Variants in TTC6 observed in about 807,000 individuals in gnomAD.
TTC6 encodes tetratricopeptide repeat protein 6.
A neutral mutation model predicts 210.4 loss-of-function variants in TTC6; 172 were observed. The observed-to-expected ratio is 0.82, with a 90% CI of 0.72 to 0.93. The LOEUF (loss-of-function observed/expected upper bound fraction) is 0.93, where lower values mean the gene tolerates loss of function less well. Ranked by LOEUF, TTC6 falls within the 40% of genes least tolerant of loss-of-function variation. The pLI, the probability that TTC6 is intolerant of heterozygous loss-of-function variation, is 0.00. For synonymous variants in TTC6, 804 were observed against 819.6 expected (o/e 0.98, Z 0.32); for missense variants, 2,414 against 2,318.1 (o/e 1.04, Z -0.85).
At chr14:37,681,270 A>C (rs1373172671) in intron 2 of TTC6, among the ~76,000 whole-genome samples, 1 of 152,154 alleles carries the variant, frequency 6.6e-6, no homozygotes, top group East Asian at 1.9e-4. Flanking sequence ...CAGGTATAGT[A>C]AACTGAAAGT....
At position 37,828,375 on chromosome 14, in the gene TTC6, C is replaced by A. The variant is rs185188551; in HGVS notation, c.5298+1009C>A. Among the ~76,000 whole-genome samples, 507 of 151,992 alleles carry A rather than the reference C, an allele frequency of 3.3e-3. 1 individual carries two copies. The highest frequency in any genetic ancestry group is 0.01 in the Middle Eastern group (3 of 294). ...TGGAAGCTTAATTAATTTATTTTCA[C>A]CCTTTCATTTATATTGTAATAAGTT... On this transcript the variant is annotated intron_variant, in intron 29 of 30. Transcript: ENST00000553443.
chr14:37,599,276 T>C (rs1387938629), intron 1 of TTC6, among the ~76,000 whole-genome samples: 1 of 152,228 alleles, frequency 6.6e-6, no homozygotes, highest in Non-Finnish European at 1.5e-5. Flanking sequence ...CTCTCTCCCT[T>C]GGTTCCATCA....
upstream of TTC6, chr14:37,622,031 T>G (rs1427732269): frequency 5.5e-6 from 8 of 1,442,612 alleles, no homozygotes; most frequent in Non-Finnish European, 7.4e-6. Flanking sequence ...TGTGATTGTT[T>G]TGGGGGCTTA....
intron 6 of TTC6, among the ~76,000 whole-genome samples, chr14:37,721,929 C>CAT (rs895610724): frequency 8.3e-5 from 11 of 131,888 alleles, no homozygotes; most frequent in East Asian, 2.1e-4. Flanking sequence ...TATATATATA[C>CAT]ATATATATAT....
chr14:37,787,361 A>G, intron 14 of TTC6, 107 bp from the exon 17 acceptor site: 2 of 827,090 alleles, frequency 2.4e-6, no homozygotes, highest in East Asian at 2.7e-5. Flanking sequence ...AAGCAAGGAG[A>G]AACATTTACA....
At chr14:37,790,657 A>G in intron 15 of TTC6, 60 bp from the exon 18 acceptor site, 52 of 1,382,794 alleles carry the variant, frequency 3.8e-5, no homozygotes, top group Non-Finnish European at 5.1e-5. Flanking sequence ...AGACTAAAGT[A>G]TAATTTACCT....
chr14:37,610,601 C>T (rs1477262479), intron 2 of TTC6, among the ~76,000 whole-genome samples: 1 of 152,102 alleles, frequency 6.6e-6, no homozygotes, highest in East Asian at 1.9e-4. Context: ...AATGGTTTAT[C>T]ACAAAGAGAA....
At chr14:37,624,600 T>C (rs1316985912) in intron 1 of TTC6, among the ~76,000 whole-genome samples, 1 of 152,190 alleles carries the variant, frequency 6.6e-6, no homozygotes, top group Non-Finnish European at 1.5e-5. Context: ...TTCAGCTCTT[T>C]TACCAGAAGT....
chr14:37,806,244 T>C (rs2096118313), intron 21 of TTC6, 117 bp from the exon 24 acceptor site: 1 of 1,087,926 alleles, frequency 9.2e-7, no homozygotes, highest in Non-Finnish European at 1.3e-6. Context: ...GTATTTAAAA[T>C]AATCCAAAAA....
chr14:37,669,882 A>C (rs1401893387), intron 1 of TTC6, among the ~76,000 whole-genome samples: 1 of 152,152 alleles, frequency 6.6e-6, no homozygotes, highest in African/African-American at 2.4e-5. Context: ...TATGTTATTA[A>C]ATCCTCTGTG....
intron 21 of TTC6, among the ~76,000 whole-genome samples, chr14:37,805,732 C>T (rs2096117052): frequency 6.6e-6 from 1 of 152,036 alleles, no homozygotes; most frequent in East Asian, 1.9e-4. Flanking sequence ...GATGGAGTTT[C>T]GCTCTGTCGC....
chr14:37,792,456 T>G, intron 17 of TTC6, 42 bp downstream of exon 19: 1 of 1,407,468 alleles, frequency 7.1e-7, no homozygotes, highest in South Asian at 1.6e-5. Flanking sequence ...AAAAAAACTT[T>G]AATTTTCTGG....
chr14:37,811,401 C>A (rs2096129284), intron 24 of TTC6, among the ~76,000 whole-genome samples: 2 of 152,090 alleles, frequency 1.3e-5, no homozygotes, highest in Non-Finnish European at 2.9e-5. Flanking sequence ...TTTAAAGACA[C>A]TTGAGCACGC....
At chr14:37,768,512 T>A (rs1204595643) in intron 14 of TTC6, among the ~76,000 whole-genome samples, 1 of 152,224 alleles carries the variant, frequency 6.6e-6, no homozygotes, top group Non-Finnish European at 1.5e-5. Flanking sequence ...GAAGAGGTCT[T>A]TCACTTCCCT....
exon 1 of TTC6, chr14:37,622,575 C>T: frequency 6.5e-7 from 1 of 1,534,108 alleles, no homozygotes; most frequent in Non-Finnish European, 8.7e-7. Flanking sequence ...GGAGAGCTCG[C>T]GGCACGCGGC....
chr14:37,622,778 G>A (rs1486151096), exon 1 of TTC6: 3 of 1,534,786 alleles, frequency 2.0e-6, no homozygotes, highest in Admixed American at 2.0e-5. Flanking sequence ...GGGCCCGCGA[G>A]GCGCGGGAAG....
chr14:37,732,775 G>A (rs12882287), intron 7 of TTC6, among the ~76,000 whole-genome samples: 75,589 of 123,658 alleles, frequency 0.61, 19,002 homozygotes, highest in Middle Eastern at 0.72. Flanking sequence ...CCGCCACCAC[G>A]CCCAGCTAAT....
In TTC6 at chr14:37,680,265, A is replaced by C; in HGVS notation, c.1050+4A>C. On this transcript the variant is annotated splice_donor_region_variant and intron_variant, in intron 2 of 30. Coordinates refer to ENST00000553443, the Ensembl canonical transcript of TTC6. ...GGGTGCTGAGGAATCGCAAATGGTAAAGTCTTTAATAAAAATCCTCCTTGC... is the reference window on the plus strand; with the variant it reads ...GGGTGCTGAGGAATCGCAAATGGTACAGTCTTTAATAAAAATCCTCCTTGC... 6.7e-7 allele frequency: 1 copy of C among 1,501,368 alleles called. No individual in the cohort carries two copies. Among genetic ancestry groups the C allele is most frequent in the Admixed American group, 2.1e-5 (1 of 47,282 alleles). The allele number at this position is 1,501,368 out of a possible 1,614,324, so 93.0% of individuals were successfully genotyped here.
chr14:37,842,647 T>C, downstream of TTC6: 1 of 156,704 alleles, frequency 6.4e-6, no homozygotes, highest in Non-Finnish European at 1.4e-5. Flanking sequence ...GACCTTTTCA[T>C]CAATCCTTGC....
Sources: gnomAD v4.1 joint callset for allele counts (sites outside exome capture counted in the v4.1 genomes callset) on GRCh38, gnomAD v4.1.1 for gene constraint, MANE v1.5 for transcripts, NCBI Gene and HGNC (gene_info 2026-07-23, HGNC 2026-07-21) for gene names.